The following AK3 variants were observed in gnomAD, a reference collection of about 807,000 sequenced individuals.
AK3 encodes adenylate kinase 3.
In AK3, 27 loss-of-function variants were observed where a neutral mutation model predicts 23.7. The ratio of observed to expected loss-of-function variants is 1.14; its 90% CI spans 0.84 to 1.57. AK3 has a LOEUF of 1.57. Ranked by LOEUF, AK3 falls within the 40% of genes most tolerant of loss-of-function variation. The pLI, the probability that AK3 is intolerant of heterozygous loss-of-function variation, is 0.00. For synonymous variants in AK3, 159 were observed against 116.0 expected, an observed-to-expected ratio of 1.37 and a Z score of -2.38; for missense variants, 406 against 285.6, an observed-to-expected ratio of 1.42 and a Z score of -3.04.
chr9:4,709,888 G>C lies in AK3; in HGVS notation c.*3088C>G, dbSNP rs916569964. The C allele has an allele frequency of 2.0e-5, 3 of 151,944 alleles. No individual in the cohort carries two copies. Among genetic ancestry groups the C allele is most frequent in the Non-Finnish European group, 4.4e-5 (3 of 67,990 alleles). The allele number at this position is 151,944 out of a possible 1,614,324, so 9.4% of individuals were successfully genotyped here. A position where few individuals can be genotyped will look rare whatever the true frequency, so the allele number is the denominator to read the frequency against. ...TTCTAAAATACAAATTCTTGCTGTT[G>C]GTTGCAACTATAGCAATTTAACATA... On this transcript the variant is annotated 3_prime_UTR_variant, in exon 5 of 5. Transcript: ENST00000381809.
Position 4,722,413 on chromosome 9 carries a change from TC to T in AK3, c.271+92del. ...AAGCACCCCTCTCCCCAAACCACCA[TC>T]CTTGACGTCTGTCTGAAGCCCATGA... On this transcript the variant is annotated intron_variant, in intron 2 of 4. Transcript: ENST00000381809. 3 of 1,573,024 alleles carry T rather than the reference TC, an allele frequency of 1.9e-6. No homozygotes were observed. The South Asian group carries it at 3.5e-5, about 19-fold the overall frequency.
At chr9:4,715,077 G>C (rs1388361443) in intron 4 of AK3, among the ~76,000 whole-genome samples, 1 of 151,902 alleles carries the variant, frequency 6.6e-6, no homozygotes, top group Non-Finnish European at 1.5e-5. Flanking sequence ...AAATTAGCAG[G>C]ACATGGTGGC....
At chr9:4,728,155 G>T (rs187869095) in intron 1 of AK3, among the ~76,000 whole-genome samples, 2 of 152,306 alleles carry the variant, frequency 1.3e-5, no homozygotes, top group African/African-American at 2.4e-5. Context: ...GAAATGGGAA[G>T]TGCGTACTTG....
intron 1 of AK3, among the ~76,000 whole-genome samples, chr9:4,729,034 G>A (rs1244173364): frequency 8.5e-6 from 1 of 117,428 alleles, no homozygotes; most frequent in African/African-American, 3.2e-5. Flanking sequence ...TTTTGAGACG[G>A]AATTTTGCTC....
At chr9:4,713,763 T>C (rs953985238) in intron 4 of AK3, among the ~76,000 whole-genome samples, 8 of 152,112 alleles carry the variant, frequency 5.3e-5, no homozygotes, top group Admixed American at 3.9e-4. Flanking sequence ...GTCTATTTTA[T>C]TTACTCCAGT....
At chr9:4,727,136 G>C (rs1251375850) in intron 1 of AK3, among the ~76,000 whole-genome samples, 1 of 152,188 alleles carries the variant, frequency 6.6e-6, no homozygotes, top group Non-Finnish European at 1.5e-5. Context: ...AGGCAGGGTA[G>C]ATTTAGATAA....
chr9:4,729,140 A>G (rs1842095959), intron 1 of AK3, among the ~76,000 whole-genome samples: 1 of 151,088 alleles, frequency 6.6e-6, no homozygotes, highest in Non-Finnish European at 1.5e-5. Flanking sequence ...CCTCCTGAGT[A>G]GCTGGGATTA....
chr9:4,718,927 T>C (rs1841813521), intron 3 of AK3, among the ~76,000 whole-genome samples: 1 of 152,194 alleles, frequency 6.6e-6, no homozygotes. Context: ...ACAAATGTTT[T>C]TGAATGAGTA....
At chr9:4,715,439 C>G (rs1333252765) in intron 4 of AK3, among the ~76,000 whole-genome samples, 1 of 149,530 alleles carries the variant, frequency 6.7e-6, no homozygotes, top group African/African-American at 2.5e-5. Context: ...GACACCCGCG[C>G]TCTAGACTGC....
intron 4 of AK3, among the ~76,000 whole-genome samples, chr9:4,716,671 C>T (rs1157337163): frequency 2.0e-5 from 3 of 152,172 alleles, no homozygotes; most frequent in East Asian, 1.9e-4. Flanking sequence ...TGGCTCGTAC[C>T]TGTAATCCCA....
chr9:4,729,785 T>C (rs1333757864), intron 1 of AK3, among the ~76,000 whole-genome samples: 2 of 150,564 alleles, frequency 1.3e-5, no homozygotes, highest in Non-Finnish European at 3.0e-5. Flanking sequence ...GAGTTATGAT[T>C]GCACCACTGC....
At chr9:4,731,126 T>C (rs1311490213) in intron 1 of AK3, among the ~76,000 whole-genome samples, 1 of 152,226 alleles carries the variant, frequency 6.6e-6, no homozygotes, top group African/African-American at 2.4e-5. Context: ...TGTTTTATAA[T>C]TTCTATTATA....
intron 4 of AK3, among the ~76,000 whole-genome samples, chr9:4,716,244 ACC>A (rs1313190067): frequency 6.6e-6 from 1 of 152,184 alleles, no homozygotes; most frequent in African/African-American, 2.4e-5. Flanking sequence ...AATACTGTTT[ACC>A]CAGCTCCCCA....
At position 4,711,902 on chromosome 9, in the gene AK3, C is replaced by G. The variant is rs1326765788; in HGVS notation, c.*1074G>C. The G allele has an allele frequency of 6.6e-6, 1 of 152,140 alleles. No individual in the cohort carries two copies. Among genetic ancestry groups the G allele is most frequent in the Non-Finnish European group, 1.5e-5 (1 of 68,000 alleles). The allele number at this position is 152,140 out of a possible 1,614,324, so 9.4% of individuals were successfully genotyped here. A position where few individuals can be genotyped will look rare whatever the true frequency, so the allele number is the denominator to read the frequency against. On this transcript the variant is annotated 3_prime_UTR_variant, in exon 5 of 5. Transcript: ENST00000381809. ...ACTCACTTTCCTGGTCCTTGTTAAC[C>G]TATCATGTAAATTCTTTTTATTGGT...
chr9:4,733,621 G>T (rs138606445), intron 1 of AK3, among the ~76,000 whole-genome samples: 35 of 152,226 alleles, frequency 2.3e-4, no homozygotes, highest in African/African-American at 8.2e-4. Flanking sequence ...CTTCAGTGAA[G>T]CATCCAGAAA....
At chr9:4,741,898 TGCCGAGC>T (rs1361204659), upstream of AK3, 13 of 152,244 alleles carry the variant, frequency 8.5e-5, no homozygotes, top group Admixed American at 2.6e-4. Context: ...CCTCCTCTGC[TGCCGAGC>T]GCCCTCTCTT....
At position 4,741,115 on chromosome 9, in the gene AK3, G is replaced by A; in HGVS notation, c.-28C>T. ...CCGCAGACTGAGGCCCGCACCGCGC[G>A]GGTACCAGGGCTTTGGCCTGGCCTG... On this transcript the variant is annotated 5_prime_UTR_variant, in exon 1 of 5. Transcript: ENST00000381809. 1.3e-6 allele frequency: 2 copies of A among 1,486,404 alleles called. No individual in the cohort carries two copies. Among genetic ancestry groups the A allele is most frequent in the East Asian group, 2.9e-5 (1 of 34,942 alleles). The allele number at this position is 1,486,404 out of a possible 1,614,324, so 92.1% of individuals were successfully genotyped here.
At chr9:4,720,341 G>C (rs989937798) in intron 2 of AK3, among the ~76,000 whole-genome samples, 1 of 152,042 alleles carries the variant, frequency 6.6e-6, no homozygotes, top group East Asian at 1.9e-4. Flanking sequence ...ATTTTGTCCA[G>C]AATACCAGAA....
intron 1 of AK3, among the ~76,000 whole-genome samples, chr9:4,740,101 C>T (rs1375868324): frequency 6.7e-5 from 10 of 149,946 alleles, no homozygotes; most frequent in Non-Finnish European, 7.4e-5. Flanking sequence ...AGAAAAAGGC[C>T]TTGTGGAAGC....
Sources: allele counts gnomAD v4.1 joint callset (sites outside exome capture counted in the v4.1 genomes callset), GRCh38; gene constraint gnomAD v4.1.1; transcripts MANE v1.5; gene names NCBI Gene and HGNC (gene_info 2026-07-23, HGNC 2026-07-21).